Variants in CDH12 observed in about 807,000 individuals in gnomAD.
The protein encoded by CDH12 is cadherin-12.
A neutral mutation model predicts 74.1 loss-of-function variants in CDH12; 41 were observed. The ratio of observed to expected loss-of-function variants is 0.55; its 90% CI spans 0.43 to 0.72. The LOEUF (loss-of-function observed/expected upper bound fraction) is 0.72. CDH12 is among the 30% of genes least tolerant of loss of function. CDH12 has a pLI of 0.00. For missense variants in CDH12, 945 were observed against 977.2 expected (o/e 0.97, Z 0.44); for synonymous variants, 399 against 355.0 (o/e 1.12, Z -1.39).
rs530289669 is a variant in CDH12, at chr5:22,142,124, A to T, written c.-186-63262T>A. On this transcript the variant is annotated intron_variant, in intron 4 of 14. Coordinates refer to ENST00000382254, the MANE Select transcript of CDH12 (RefSeq NM_004061.5). ...TTAAGGCACAAGATGATTTTTGAAC[A>T]GGTTGAATTTAAGGTGCCTCTGAGA... is the stretch of plus-strand genomic sequence containing the variant. Among the ~76,000 whole-genome samples the T allele has an allele frequency of 2.0e-5, 3 of 152,322 alleles. No individual in the cohort carries two copies. In the South Asian group the frequency reaches 6.2e-4, roughly 32 times the overall value.
intron 3 of CDH12, among the ~76,000 whole-genome samples, chr5:22,264,764 G>C (rs912893898): frequency 1.3e-5 from 2 of 152,152 alleles, no homozygotes; most frequent in African/African-American, 4.8e-5. Context: ...ACAAGGGTTT[G>C]TTTCCTTGAT....
intron 3 of CDH12, among the ~76,000 whole-genome samples, chr5:22,340,728 T>C (rs1739813943): frequency 6.6e-6 from 1 of 152,212 alleles, no homozygotes; most frequent in Non-Finnish European, 1.5e-5. Context: ...TAAATCTTAG[T>C]CTTGTAAAGT....
intron 3 of CDH12, among the ~76,000 whole-genome samples, chr5:22,343,323 C>CACACACACAGAGAGAGAGAG (rs1378956871): frequency 7.3e-6 from 1 of 136,260 alleles, no homozygotes; most frequent in African/African-American, 2.9e-5. Flanking sequence ...GACACACACA[C>CACACACACAGAGAGAGAGAG]AGAGAGAGAG....
At chr5:21,978,818 T>G (rs1225866417) in intron 5 of CDH12, among the ~76,000 whole-genome samples, 1 of 152,148 alleles carries the variant, frequency 6.6e-6, no homozygotes, top group African/African-American at 2.4e-5. Context: ...AAAAGGCAAC[T>G]GTCAAGACTA....
chr5:22,243,096 T>C (rs1201311979), intron 3 of CDH12, among the ~76,000 whole-genome samples: 1 of 152,276 alleles, frequency 6.6e-6, no homozygotes, highest in East Asian at 1.9e-4. Context: ...TTTCAAAGAT[T>C]AATTGTTGAA....
chr5:22,795,703 A>G (rs1376983088), intron 1 of CDH12, among the ~76,000 whole-genome samples: 5 of 151,798 alleles, frequency 3.3e-5, no homozygotes, highest in Non-Finnish European at 7.4e-5. Context: ...CATACACTGT[A>G]TGGTAACTAG....
At chr5:22,044,220 C>A (rs1454337128) in intron 5 of CDH12, among the ~76,000 whole-genome samples, 1 of 152,040 alleles carries the variant, frequency 6.6e-6, no homozygotes, top group Non-Finnish European at 1.5e-5. Context: ...TGGCAAAAAA[C>A]AAAACAAAAC....
chr5:21,861,142 G>C lies in CDH12; in HGVS notation c.527-6352C>G, dbSNP rs193012066. Among the ~76,000 whole-genome samples, 60 of 152,006 alleles carry C rather than the reference G, an allele frequency of 3.9e-4. 1 individual carries two copies. Among genetic ancestry groups the C allele is most frequent in the South Asian group, 1.0e-3 (5 of 4,820 alleles). On this transcript the variant is annotated intron_variant, in intron 6 of 14. Transcript: ENST00000382254. ...GATGGAAGAGGTGGCAGAGAAAATG[G>C]TCATGTATGACTTTTTAAGCCACTG...
intron 1 of CDH12, among the ~76,000 whole-genome samples, chr5:22,682,724 T>C (rs556352470): frequency 1.1e-3 from 126 of 109,900 alleles, no homozygotes; most frequent in African/African-American, 3.5e-3. Context: ...GAAAAAGTGG[T>C]TCATTGAGTA....
chr5:22,207,778 T>C (rs986189713), intron 4 of CDH12, among the ~76,000 whole-genome samples: 2 of 152,214 alleles, frequency 1.3e-5, no homozygotes, highest in African/African-American at 4.8e-5. Flanking sequence ...AATGTACTTA[T>C]ATAAACACAG....
intron 3 of CDH12, among the ~76,000 whole-genome samples, chr5:22,264,804 G>A (rs888343249): frequency 1.3e-5 from 2 of 152,114 alleles, no homozygotes; most frequent in Admixed American, 1.3e-4. Context: ...TTCTCTAACT[G>A]TAACTTTCCT....
chr5:21,873,050 T>C (rs1448927292), intron 6 of CDH12, among the ~76,000 whole-genome samples: 2 of 152,148 alleles, frequency 1.3e-5, no homozygotes, highest in African/African-American at 2.4e-5. Context: ...CAGTTAGAAG[T>C]ACTAAATCCT....
At chr5:21,922,938 GTATCTATATCTA>G (rs10644202) in intron 6 of CDH12, among the ~76,000 whole-genome samples, 2,266 of 145,916 alleles carry the variant, frequency 0.016, 23 homozygotes, top group African/African-American at 0.022. Flanking sequence ...GTGTGTATGT[GTATCTATATCTA>G]TATCTATATC....
intron 3 of CDH12, among the ~76,000 whole-genome samples, chr5:22,275,882 A>G (rs1394771220): frequency 6.6e-6 from 1 of 152,134 alleles, no homozygotes; most frequent in African/African-American, 2.4e-5. Flanking sequence ...TCTTTGCCCA[A>G]TTGGTGATTT....
rs1554007030 is a variant in CDH12, at chr5:22,831,351, T to TGTGTGTG, written c.-523+21706_-523+21707insCACACAC. On this transcript the variant is annotated intron_variant, in intron 1 of 14. Transcript: ENST00000382254. ...CAAAGGAAGGTAGGGGTTTTGGAGT[T>TGTGTGTG]TGTGTGTGTGTGTGTGTGTCTGTGT... 6.8e-3 allele frequency among the ~76,000 whole-genome samples: 947 copies of TGTGTGTG among 138,616 alleles called. 13 individuals are homozygous for TGTGTGTG. Among genetic ancestry groups the TGTGTGTG allele is most frequent in the East Asian group, 0.016 (74 of 4,766 alleles). The allele number at this position is 138,616 out of a possible 152,430, so 90.9% of individuals were successfully genotyped here.
intron 5 of CDH12, among the ~76,000 whole-genome samples, chr5:22,075,809 TG>T (rs1742278290): frequency 6.6e-6 from 1 of 152,102 alleles, no homozygotes; most frequent in Non-Finnish European, 1.5e-5. Context: ...TGTAGACAAC[TG>T]ATACTTTTCC....
At chr5:22,043,047 C>T (rs1050775231) in intron 5 of CDH12, among the ~76,000 whole-genome samples, 4 of 152,078 alleles carry the variant, frequency 2.6e-5, no homozygotes, top group Non-Finnish European at 5.9e-5. Flanking sequence ...TATTCTCAAA[C>T]TTTTTTCAGA....
intron 3 of CDH12, among the ~76,000 whole-genome samples, chr5:22,279,321 T>G (rs994631812): frequency 6.6e-6 from 1 of 152,174 alleles, no homozygotes; most frequent in Non-Finnish European, 1.5e-5. Flanking sequence ...TGTGATAAAA[T>G]TATTTGTGGT....
At chr5:22,733,708 T>A (rs1744548564) in intron 1 of CDH12, among the ~76,000 whole-genome samples, 1 of 151,890 alleles carries the variant, frequency 6.6e-6, no homozygotes, top group Admixed American at 6.6e-5. Flanking sequence ...GAAATAAAAA[T>A]ATCGTTATAA....
Sources: allele counts gnomAD v4.1 joint callset (sites outside exome capture counted in the v4.1 genomes callset), GRCh38; gene constraint gnomAD v4.1.1; transcripts MANE v1.5; gene names NCBI Gene and HGNC (gene_info 2026-07-23, HGNC 2026-07-21).